GRHL2: variants seen among roughly 807,000 people sequenced by gnomAD.
GRHL2 encodes grainyhead-like protein 2 homolog.
GRHL2 carries 21 observed loss-of-function variants against 83.8 expected under a neutral mutation model. The ratio of observed to expected loss-of-function variants is 0.25; its 90% confidence interval spans 0.18 to 0.36. GRHL2 has a LOEUF of 0.36. GRHL2 is among the 10% of genes least tolerant of loss of function. The pLI is 1.00. For missense variants in GRHL2, 623 were observed against 781.8 expected, an observed-to-expected ratio of 0.80 and a Z score of 2.42; for synonymous variants, 280 against 278.9, an observed-to-expected ratio of 1.00 and a Z score of -0.04.
chr8:101,627,530 A>C (rs13264047), intron 9 of GRHL2, among the ~76,000 whole-genome samples: 58,854 of 151,794 alleles, frequency 0.39, 12,581 homozygotes, highest in African/African-American at 0.57. Flanking sequence ...TTGCCTGAGA[A>C]ACAACCATAT....
intron 8 of GRHL2, among the ~76,000 whole-genome samples, chr8:101,603,997 C>T (rs1812572138): frequency 6.9e-6 from 1 of 145,000 alleles, no homozygotes; most frequent in South Asian, 2.3e-4. Flanking sequence ...CTTTTTACTT[C>T]CCCTGTTGAG....
At chr8:101,671,577 G>C (rs1185590339), downstream of GRHL2, among the ~76,000 whole-genome samples, 1 of 152,218 alleles carries the variant, frequency 6.6e-6, no homozygotes. Flanking sequence ...AAGGAGACCT[G>C]CCTGCCTGCC....
In GRHL2 at chr8:101,666,734, C is replaced by G; in HGVS notation, c.*31C>G. Reference sequence around the variant, plus strand: ...GGTTTGGCATCCGCTTTGGCTGGAGCTCTCAGTGCGTTCCTCCCTGAGAGA... The same window carrying G: ...GGTTTGGCATCCGCTTTGGCTGGAGGTCTCAGTGCGTTCCTCCCTGAGAGA... On this transcript the variant is annotated 3_prime_UTR_variant, in exon 16 of 16. Coordinates refer to ENST00000646743, the MANE Select transcript of GRHL2 (RefSeq NM_024915.4). 1 of 1,313,284 alleles carries G rather than the reference C, an allele frequency of 7.6e-7. No homozygotes were observed. 81.4% of individuals were successfully genotyped at this position (1,313,284 alleles called of 1,614,324 possible).
At chr8:101,528,114 G>C (rs1189446449) in intron 1 of GRHL2, among the ~76,000 whole-genome samples, 2 of 151,790 alleles carry the variant, frequency 1.3e-5, no homozygotes, top group African/African-American at 4.8e-5. Flanking sequence ...GTCTTCTTTT[G>C]TGTATTTGTT....
intron 8 of GRHL2, among the ~76,000 whole-genome samples, chr8:101,612,540 C>G (rs62517382): frequency 1.4e-5 from 2 of 142,332 alleles, no homozygotes; most frequent in African/African-American, 2.7e-5. Flanking sequence ...TACATACATA[C>G]ATACATACAT....
chr8:101,645,116 ATTTTTTTT>A (rs553249046), intron 13 of GRHL2, among the ~76,000 whole-genome samples: 21 of 117,344 alleles, frequency 1.8e-4, no homozygotes, highest in South Asian at 2.9e-4. Context: ...GCAGTACAGA[ATTTTTTTT>A]TTTTTTTTTT....
Position 101,517,713 on chromosome 8 carries a change from C to T in GRHL2, c.20+24924C>T, listed in dbSNP as rs1363497037. On this transcript the variant is annotated intron_variant, in intron 1 of 15. Coordinates refer to ENST00000646743, the MANE Select transcript of GRHL2 (RefSeq NM_024915.4). ...AGTACAACACTGACCTTTGTTTTTT[C>T]TTCAGACTTTCATGTCCGTTTGCAG... 2.0e-5 allele frequency among the ~76,000 whole-genome samples: 3 copies of T among 151,082 alleles called. No homozygotes were observed. In the East Asian group the frequency reaches 5.9e-4, roughly 30 times the overall value.
intron 1 of GRHL2, among the ~76,000 whole-genome samples, chr8:101,508,145 A>C (rs563998131): frequency 2.0e-5 from 3 of 152,326 alleles, no homozygotes; most frequent in Middle Eastern, 3.4e-3. Context: ...TTTGAAATAC[A>C]TTCCAATGAA....
At chr8:101,543,142 A>G (rs1445693037) in intron 1 of GRHL2, 99 bp from the exon 2 acceptor site, 3 of 926,344 alleles carry the variant, frequency 3.2e-6, no homozygotes, top group African/African-American at 3.3e-5. Flanking sequence ...TTCTGGGGAA[A>G]TAAAAATTAA....
In GRHL2 at chr8:101,664,598, C is replaced by T. The variant is rs1814004746; in HGVS notation, c.1763+80C>T. 2.9e-6 allele frequency: 3 copies of T among 1,023,222 alleles called. No homozygotes were observed. The East Asian group carries it at 7.3e-5, about 25-fold the overall frequency. 63.4% of individuals were successfully genotyped at this position (1,023,222 alleles called of 1,614,324 possible). On this transcript the variant is annotated intron_variant, in intron 15 of 15. Transcript: ENST00000646743. Reference sequence around the variant, plus strand: ...GCCTTAAAAATAAAATGATGCCTGTCTTTTGTTAGGTCTGTTGCCCACTTT... The same window carrying T: ...GCCTTAAAAATAAAATGATGCCTGTTTTTTGTTAGGTCTGTTGCCCACTTT...
chr8:101,573,953 G>T, intron 6 of GRHL2, 129 bp downstream of exon 6: 1 of 1,080,164 alleles, frequency 9.3e-7, no homozygotes. Flanking sequence ...ACGAATGTCA[G>T]AGAGTTGGGG....
chr8:101,558,920 G>T lies in GRHL2; in HGVS notation c.678+108G>T. Reference sequence around the variant, plus strand: ...TAAATGAATTAAACAGCAAGTTTTAGCTTCAATTAGTTTTTTAAAAGATGT... The same window carrying T: ...TAAATGAATTAAACAGCAAGTTTTATCTTCAATTAGTTTTTTAAAAGATGT... On this transcript the variant is annotated intron_variant, in intron 4 of 15. Transcript: ENST00000646743. The T allele has an allele frequency of 2.5e-6, 3 of 1,208,878 alleles. No individual in the cohort carries two copies. In the South Asian group the frequency reaches 4.1e-5, roughly 16 times the overall value. The allele number at this position is 1,208,878 out of a possible 1,614,324, so 74.9% of individuals were successfully genotyped here.
intron 9 of GRHL2, among the ~76,000 whole-genome samples, chr8:101,628,221 G>A (rs554272216): frequency 2.9e-4 from 44 of 152,202 alleles, no homozygotes; most frequent in African/African-American, 8.9e-4. Flanking sequence ...TGACTTTCTC[G>A]TTAGGGGCTA....
At position 101,552,727 on chromosome 8, in the gene GRHL2, A is replaced by T; in HGVS notation, c.229A>T (p.Lys77Ter). Residue 77 changes from lysine to a stop codon, truncating the protein, a stop_gained, in exon 3 of 16, where the codon AAG (lysine) becomes TAG (stop). Transcript: ENST00000646743. LOFTEE classifies it high-confidence loss of function. ...LYDYYKVPRD[K>*]RLLSVSKASD... ...GTGATGTTTCCAGGTTCCTCGAGAC[A>T]AGAGGCTGCTGTCTGTAAGCAAAGC... 6.2e-7 allele frequency: 1 copy of T among 1,614,170 alleles called. No homozygotes were observed. Among genetic ancestry groups the T allele is most frequent in the Non-Finnish European group, 8.5e-7 (1 of 1,180,004 alleles).
chr8:101,636,908 C>G lies in GRHL2; in HGVS notation c.1497C>G (p.Asn499Lys). 2 of 1,613,714 alleles carry G rather than the reference C, an allele frequency of 1.2e-6. No homozygotes were observed. Among genetic ancestry groups the G allele is most frequent in the Non-Finnish European group, 1.7e-6 (2 of 1,179,668 alleles). Residue 499 changes from asparagine (N) to lysine (K), a missense_variant, in exon 12 of 16, where the codon AAC becomes AAG. Physicochemically the swap from Asn to Lys is moderately conservative, Grantham distance 94 (BLOSUM62 0). Transcript: ENST00000646743. ...GTTTTGTTCCACAGGTGTATTACAA[C>G]ACGGATGATGAACGAGAAGGGTAAG... ...NLQRTGQVYY[N>K]TDDEREGGSV...
chr8:101,533,589 G>A (rs1447417304), intron 1 of GRHL2, among the ~76,000 whole-genome samples: 1 of 152,160 alleles, frequency 6.6e-6, no homozygotes, highest in Non-Finnish European at 1.5e-5. Context: ...TGTTTAAGGA[G>A]GTGATGGCTG....
rs72674247 is a variant in GRHL2, at chr8:101,596,394, T to A, written c.1004-2663T>A. Among the ~76,000 whole-genome samples, 309 of 152,112 alleles carry A rather than the reference T, an allele frequency of 2.0e-3. 6 individuals carry two copies. Among genetic ancestry groups the A allele is most frequent in the Admixed American group, 4.9e-3 (75 of 15,280 alleles). ...CAAAATGAATTAAAAGCCTTAAAAA[T>A]TTTTTTTCCTTTGACCTGCTACTTT... On this transcript the variant is annotated intron_variant, in intron 7 of 15. Transcript: ENST00000646743.
chr8:101,631,935 C>T (rs1051886653), intron 10 of GRHL2, among the ~76,000 whole-genome samples: 2 of 152,144 alleles, frequency 1.3e-5, no homozygotes, highest in East Asian at 3.9e-4. Context: ...CTAGGAAGGA[C>T]TTTGTAATAA....
chr8:101,641,343 A>G (rs1813396567), intron 12 of GRHL2, among the ~76,000 whole-genome samples: 1 of 152,140 alleles, frequency 6.6e-6, no homozygotes, highest in South Asian at 2.1e-4. Flanking sequence ...CCATTTAGGT[A>G]GGGCATTCAT....
Sources: gnomAD v4.1 joint callset for allele counts (sites outside exome capture counted in the v4.1 genomes callset) on GRCh38, gnomAD v4.1.1 for gene constraint, MANE v1.5 for transcripts, NCBI Gene and HGNC (gene_info 2026-07-23, HGNC 2026-07-21) for gene names.